Variants in DCDC1 observed in about 807,000 individuals in gnomAD.
The protein encoded by DCDC1 is doublecortin domain-containing protein 1.
DCDC1 carries 200 observed loss-of-function variants against 178.3 expected under a neutral mutation model. That is an observed-to-expected ratio of 1.12 (90% CI 1.00 to 1.26). The LOEUF (loss-of-function observed/expected upper bound fraction) is 1.26, where lower values mean the gene tolerates loss of function less well. DCDC1 is among the 50% of genes most tolerant of loss of function. The pLI is 0.00. For missense variants in DCDC1, 1,983 were observed against 1,749.2 expected (o/e 1.13, Z -2.38); for synonymous variants, 690 against 604.8 (o/e 1.14, Z -2.07).
chr11:31,039,647 A>G (rs1029289902), intron 20 of DCDC1, among the ~76,000 whole-genome samples: 31 of 152,210 alleles, frequency 2.0e-4, no homozygotes, highest in African/African-American at 7.5e-4. Flanking sequence ...TTAAAAATTA[A>G]GATAAAGTTC....
At position 30,906,406 on chromosome 11, in the gene DCDC1, A is replaced by T. The variant is rs1565055826; in HGVS notation, c.4104+134T>A. On this transcript the variant is annotated intron_variant, in intron 30 of 38. Coordinates refer to ENST00000684477, the MANE Select transcript of DCDC1 (RefSeq NM_001387274.1). ...GGGAAAAGGAAATCAATGCAGGTAG[A>T]ATGGTAAAGGTGCATCTGAGGAAGA... 4.7e-6 allele frequency: 4 copies of T among 853,548 alleles called. No individual in the cohort carries two copies. In the East Asian group the frequency reaches 1.1e-4, roughly 23 times the overall value. 52.9% of individuals were successfully genotyped at this position (853,548 alleles called of 1,614,324 possible). A position where few individuals can be genotyped will look rare whatever the true frequency, so the allele number is the denominator to read the frequency against.
At chr11:31,312,722 T>G (rs1336368382) in intron 3 of DCDC1, 1 of 152,300 alleles carries the variant, frequency 6.6e-6, no homozygotes, top group African/African-American at 2.4e-5. Context: ...AATGGCCCTC[T>G]GTCTCTCAGG....
intron 8 of DCDC1, among the ~76,000 whole-genome samples, chr11:31,256,338 C>T (rs1042356609): frequency 6.6e-6 from 1 of 152,154 alleles, no homozygotes; most frequent in Admixed American, 6.6e-5. Flanking sequence ...AAGACAACAG[C>T]CACATGTTTG....
chr11:31,183,636 C>G (rs780823148), intron 9 of DCDC1, among the ~76,000 whole-genome samples: 2 of 151,986 alleles, frequency 1.3e-5, no homozygotes, highest in Non-Finnish European at 2.9e-5. Context: ...TCCTATATAC[C>G]AATAATAGAG....
rs867421715 is a variant in DCDC1 at position 31,257,735 on chromosome 11, T to C, written c.1054+7772A>G. 8.6e-3 allele frequency among the ~76,000 whole-genome samples: 1,008 copies of C among 117,500 alleles called. 6 individuals carry two copies. The highest frequency in any genetic ancestry group is 0.018 in the African/African-American group (583 of 32,582). The allele number at this position is 117,500 out of a possible 152,430, so 77.1% of individuals were successfully genotyped here. On this transcript the variant is annotated intron_variant, in intron 8 of 38. Coordinates refer to ENST00000684477, the MANE Select transcript of DCDC1 (RefSeq NM_001387274.1). ...ACACACACACATACACACACACACATACACACACGCTAAAACCTGAGATCC... is the reference window on the plus strand; with the variant it reads ...ACACACACACATACACACACACACACACACACACGCTAAAACCTGAGATCC...
At chr11:31,055,816 G>C (rs1476349906) in intron 20 of DCDC1, among the ~76,000 whole-genome samples, 1 of 152,094 alleles carries the variant, frequency 6.6e-6, no homozygotes, top group African/African-American at 2.4e-5. Flanking sequence ...GGATGCAAAG[G>C]CATAAGGATA....
At chr11:31,145,298 T>G (rs148565099) in intron 9 of DCDC1, among the ~76,000 whole-genome samples, 1 of 152,210 alleles carries the variant, frequency 6.6e-6, no homozygotes, top group Non-Finnish European at 1.5e-5. Context: ...AAAGGATTGA[T>G]GGGGTTTGTC....
intron 2 of DCDC1, among the ~76,000 whole-genome samples, chr11:31,329,686 G>T (rs1451870741): frequency 6.6e-6 from 1 of 152,120 alleles, no homozygotes; most frequent in Admixed American, 6.6e-5. Flanking sequence ...TGCTCAGAAT[G>T]ATGCTTTCCA....
At chr11:30,922,482 G>A in intron 24 of DCDC1, 21 bp downstream of exon 24, 2 of 1,489,844 alleles carry the variant, frequency 1.3e-6, no homozygotes, top group Non-Finnish European at 1.8e-6. Context: ...ATATATTAAG[G>A]TAAATAATTC....
At chr11:31,211,218 A>AGT (rs1972495178) in intron 9 of DCDC1, among the ~76,000 whole-genome samples, 1 of 152,196 alleles carries the variant, frequency 6.6e-6, no homozygotes, top group Non-Finnish European at 1.5e-5. Context: ...TACATTATTC[A>AGT]AACTATCCTA....
At chr11:31,094,802 T>A (rs12294137) in intron 15 of DCDC1, among the ~76,000 whole-genome samples, 5,326 of 152,036 alleles carry the variant, frequency 0.035, 292 homozygotes, top group African/African-American at 0.12. Flanking sequence ...TTCTTTTTTT[T>A]TATATATATA....
At chr11:31,002,097 A>C (rs1951610504) in intron 20 of DCDC1, among the ~76,000 whole-genome samples, 1 of 152,230 alleles carries the variant, frequency 6.6e-6, no homozygotes, top group African/African-American at 2.4e-5. Context: ...AGTTTCCCAA[A>C]TGTAAACTCA....
intron 2 of DCDC1, among the ~76,000 whole-genome samples, chr11:31,330,327 T>C (rs1056562268): frequency 1.3e-5 from 2 of 152,214 alleles, no homozygotes; most frequent in African/African-American, 2.4e-5. Context: ...ATGGCAAAAA[T>C]TTTCTCCCAT....
intron 1 of DCDC1, among the ~76,000 whole-genome samples, chr11:31,336,870 C>T (rs1195616643): frequency 6.6e-6 from 1 of 152,110 alleles, no homozygotes; most frequent in Admixed American, 6.5e-5. Flanking sequence ...CCTTCTGCTA[C>T]CTAGAATGAA....
chr11:31,194,260 G>A (rs1970429830), intron 9 of DCDC1, among the ~76,000 whole-genome samples: 1 of 152,070 alleles, frequency 6.6e-6, no homozygotes, highest in East Asian at 1.9e-4. Flanking sequence ...ACAAACACAT[G>A]TATAATCAGT....
At chr11:30,892,662 A>G (rs1943887278) in intron 36 of DCDC1, among the ~76,000 whole-genome samples, 156 bp downstream of exon 36, 1 of 152,194 alleles carries the variant, frequency 6.6e-6, no homozygotes, top group African/African-American at 2.4e-5. Flanking sequence ...AGTTCATTCA[A>G]TCATGAGATC....
At chr11:31,001,243 A>C (rs948166989) in intron 20 of DCDC1, among the ~76,000 whole-genome samples, 12 of 152,330 alleles carry the variant, frequency 7.9e-5, no homozygotes, top group African/African-American at 2.9e-4. Flanking sequence ...TCAATGCTAA[A>C]ATTGTCAAGT....
intron 7 of DCDC1, chr11:31,280,683 CT>C: frequency 5.6e-6 from 3 of 532,170 alleles, no homozygotes; most frequent in East Asian, 4.4e-5. Context: ...CATTTAGTAG[CT>C]TTTTTAAGAC....
intron 22 of DCDC1, among the ~76,000 whole-genome samples, chr11:30,926,088 C>A (rs1465496003): frequency 6.6e-6 from 1 of 152,136 alleles, no homozygotes; most frequent in African/African-American, 2.4e-5. Flanking sequence ...GAAAGGTGAG[C>A]AATTGAAGTG....
Sources: allele counts gnomAD v4.1 joint callset (sites outside exome capture counted in the v4.1 genomes callset), GRCh38; gene constraint gnomAD v4.1.1; transcripts MANE v1.5; gene names NCBI Gene and HGNC (gene_info 2026-07-23, HGNC 2026-07-21).